Variants in UBAP2L observed in about 807,000 individuals in gnomAD.
UBAP2L encodes the protein ubiquitin-associated protein 2-like.
UBAP2L carries 12 observed loss-of-function variants against 130.6 expected under a neutral mutation model. The ratio of observed to expected loss-of-function variants is 0.09; its 90% CI spans 0.06 to 0.15. The LOEUF (loss-of-function observed/expected upper bound fraction) is 0.15. UBAP2L is among the 10% of genes least tolerant of loss of function. The pLI, the probability that UBAP2L is intolerant of heterozygous loss-of-function variation, is 1.00. For missense variants in UBAP2L, 965 were observed against 1,332.5 expected, an observed-to-expected ratio of 0.72 and a Z score of 4.29; for synonymous variants, 503 against 524.7, an observed-to-expected ratio of 0.96 and a Z score of 0.57.
chr1:154,230,231 T>G (rs1285286680), intron 4 of UBAP2L, among the ~76,000 whole-genome samples: 1 of 152,172 alleles, frequency 6.6e-6, no homozygotes, highest in Non-Finnish European at 1.5e-5. Flanking sequence ...GGTCTTGAAC[T>G]CCTGAGCTCA....
At chr1:154,255,028 C>A in intron 16 of UBAP2L, 124 bp from the exon 17 acceptor site, 1 of 1,409,146 alleles carries the variant, frequency 7.1e-7, no homozygotes, top group Non-Finnish European at 9.7e-7. Context: ...AAGATTCTAC[C>A]TAATATAGTC....
intron 1 of UBAP2L, among the ~76,000 whole-genome samples, chr1:154,224,753 G>A (rs552649308): frequency 1.3e-5 from 2 of 152,040 alleles, no homozygotes; most frequent in Admixed American, 6.6e-5. Context: ...TCTGTCAAAG[G>A]TACTTCAGAT....
At chr1:154,230,993 T>C (rs993197436) in intron 4 of UBAP2L, among the ~76,000 whole-genome samples, 34 of 152,324 alleles carry the variant, frequency 2.2e-4, no homozygotes, top group South Asian at 8.3e-4. Flanking sequence ...GCTTCCAGAG[T>C]GTTCCTGGTG....
chr1:154,251,388 G>C (rs943299531), intron 13 of UBAP2L, 70 bp downstream of exon 13: 6 of 1,575,994 alleles, frequency 3.8e-6, no homozygotes, highest in East Asian at 2.2e-5. Flanking sequence ...AGATTAAAAG[G>C]GTAAGTTTGG....
At chr1:154,263,521 G>T in intron 24 of UBAP2L, 1 of 1,032,520 alleles carries the variant, frequency 9.7e-7, no homozygotes, top group African/African-American at 1.7e-5. Flanking sequence ...CGTTCTTTCC[G>T]TGCATGTCTT....
At chr1:154,264,888 C>T (rs1682757602) in intron 24 of UBAP2L, among the ~76,000 whole-genome samples, 1 of 152,132 alleles carries the variant, frequency 6.6e-6, no homozygotes, top group Non-Finnish European at 1.5e-5. Flanking sequence ...TAAGCCTTTT[C>T]CATAACTGAA....
intron 24 of UBAP2L, 42 bp from the exon 25 acceptor site, chr1:154,266,459 G>C (rs1683262217): frequency 1.3e-6 from 2 of 1,597,224 alleles, no homozygotes; most frequent in Admixed American, 1.7e-5. Context: ...GGGCCAGGTA[G>C]CTAGCTGAGC....
chr1:154,240,812 A>G (rs182444015), intron 8 of UBAP2L, among the ~76,000 whole-genome samples: 1 of 151,314 alleles, frequency 6.6e-6, no homozygotes, highest in Admixed American at 6.6e-5. Flanking sequence ...CTTATACTAG[A>G]TAAATAGGTG....
chr1:154,225,244 A>G (rs574959512), intron 2 of UBAP2L, 31 bp downstream of exon 2: 2 of 1,609,422 alleles, frequency 1.2e-6, no homozygotes, highest in Non-Finnish European at 1.7e-6. Context: ...GGATTCATGG[A>G]TAGCGTTGCC....
In UBAP2L at chr1:154,236,556, CT is replaced by C; in HGVS notation, c.545-7del. On this transcript the variant is annotated splice_polypyrimidine_tract_variant and intron_variant, in intron 6 of 26. Transcript: ENST00000428931. ...ACATCTCTCTTCTCTTTTTCTCATT[CT>C]TTCTTTAGGTGGCTCTGGTAGGCGA... The C allele has an allele frequency of 6.2e-7, 1 of 1,613,736 alleles. No individual in the cohort carries two copies. Among genetic ancestry groups the C allele is most frequent in the Non-Finnish European group, 8.5e-7 (1 of 1,179,872 alleles).
chr1:154,259,820 C>A, intron 21 of UBAP2L, 128 bp from the exon 22 acceptor site: 1 of 1,017,164 alleles, frequency 9.8e-7, no homozygotes, highest in Non-Finnish European at 1.5e-6. Context: ...TAACTCTAGC[C>A]AGCTTAATTA....
At chr1:154,267,043 T>TA (rs1170854685) in intron 25 of UBAP2L, among the ~76,000 whole-genome samples, 179 of 152,140 alleles carry the variant, frequency 1.2e-3, no homozygotes, top group African/African-American at 4.2e-3. Context: ...CATAAATACT[T>TA]AAAGTTTGCT....
chr1:154,251,750 C>G, intron 14 of UBAP2L, 97 bp downstream of exon 14: 1 of 1,381,914 alleles, frequency 7.2e-7, no homozygotes, highest in Admixed American at 2.2e-5. Flanking sequence ...CCAAGCCCCT[C>G]TGCATGGCTG....
rs531649011 is a variant in UBAP2L, at chr1:154,248,227, A to G, written c.1015-1012A>G. ...GGTGAGCTGCCCGCCTCAGCCTCCC[A>G]AAGTGCTGGGATTACAGGCGTGAGC... On this transcript the variant is annotated intron_variant, in intron 11 of 26. Coordinates refer to ENST00000428931, the MANE Select transcript of UBAP2L (RefSeq NM_014847.4). Among the ~76,000 whole-genome samples, 4 of 152,240 alleles carry G rather than the reference A, an allele frequency of 2.6e-5. No homozygotes were observed. In the South Asian group the frequency reaches 6.2e-4, roughly 24 times the overall value.
At chr1:154,263,202 C>CTG in intron 24 of UBAP2L, 1 of 1,549,346 alleles carries the variant, frequency 6.5e-7, no homozygotes, top group Non-Finnish European at 8.7e-7. Flanking sequence ...TAAATTTGCA[C>CTG]TGAAGTCTTG....
chr1:154,229,404 T>C (rs996502572), intron 4 of UBAP2L, among the ~76,000 whole-genome samples: 4 of 152,170 alleles, frequency 2.6e-5, no homozygotes, highest in African/African-American at 9.7e-5. Context: ...TCTGACTGCC[T>C]TATTGATCTT....
intron 4 of UBAP2L, among the ~76,000 whole-genome samples, chr1:154,233,165 C>T (rs768671729): frequency 2.0e-5 from 3 of 152,084 alleles, no homozygotes; most frequent in East Asian, 1.9e-4. Context: ...AGGTGCCTGC[C>T]ACCACGCCCA....
chr1:154,266,969 C>T (rs1683412645), intron 25 of UBAP2L, among the ~76,000 whole-genome samples: 1 of 151,996 alleles, frequency 6.6e-6, no homozygotes, highest in African/African-American at 2.4e-5. Flanking sequence ...AGGAGACGAC[C>T]TAGTAACTAA....
In UBAP2L at chr1:154,268,938, T is replaced by C. The variant is rs1684115369; in HGVS notation, c.3152T>C (p.Leu1051Pro). Reference sequence around the variant, plus strand: ...CATTCTCAGATCCTTCACCATCACCTGCAGCAGGATGGCCAGGTAATAGCC... The same window carrying C: ...CATTCTCAGATCCTTCACCATCACCCGCAGCAGGATGGCCAGGTAATAGCC... The part of the protein sequence containing the change: ...QPHSQILHHH[L>P]QQDGQTGSGQ... Residue 1051 changes from leucine (L) to proline (P), a missense_variant, in exon 26 of 27, where the codon CTG (leucine) becomes CCG (proline). Leu to Pro is a moderately conservative substitution (Grantham distance 98). This residue lies in a region of UBAP2L where 194 missense variants were observed against 334.0 expected (regional missense o/e 0.58). Transcript: ENST00000428931. The C allele has an allele frequency of 3.1e-6, 5 of 1,613,562 alleles. No homozygotes were observed. The highest frequency in any genetic ancestry group is 4.2e-6 in the Non-Finnish European group (5 of 1,179,884).
Sources: allele counts gnomAD v4.1 joint callset (sites outside exome capture counted in the v4.1 genomes callset), GRCh38; gene constraint gnomAD v4.1.1; regional missense constraint gnomAD v4.1.1; transcripts MANE v1.5; gene names NCBI Gene and HGNC (gene_info 2026-07-23, HGNC 2026-07-21).